The following MYO9A variants were observed in gnomAD, a reference collection of about 807,000 sequenced individuals.
MYO9A encodes the protein unconventional myosin-IXa.
A neutral mutation model predicts 293.3 loss-of-function variants in MYO9A; 103 were observed. That is an observed-to-expected ratio of 0.35 (90% confidence interval 0.30 to 0.41). MYO9A has a LOEUF of 0.41. Ranked by LOEUF, MYO9A falls within the 10% of genes least tolerant of loss-of-function variation. MYO9A has a pLI of 1.00. For synonymous variants in MYO9A, 1,001 were observed against 1,035.7 expected (o/e 0.97, Z 0.64); for missense variants, 2,685 against 3,033.0 (o/e 0.89, Z 2.69).
At position 71,933,660 on chromosome 15, in the gene MYO9A, T is replaced by C. The variant is rs757288411; in HGVS notation, c.2562+10A>G. The C allele has an allele frequency of 3.1e-6, 5 of 1,606,070 alleles. No individual in the cohort carries two copies. Among genetic ancestry groups the C allele is most frequent in the Non-Finnish European group, 2.6e-6 (3 of 1,176,430 alleles). On this transcript the variant is annotated intron_variant, in intron 18 of 41. Coordinates refer to ENST00000356056, the MANE Select transcript of MYO9A (RefSeq NM_006901.4). ...AATACCAATACAAAAAAAGTTTTCA[T>C]AGTACTCACCTTTGGAAGGGCAGGC...
At chr15:71,928,059 T>TATTATTA (rs1567282510) in intron 18 of MYO9A, among the ~76,000 whole-genome samples, 1 of 7,000 alleles carries the variant, frequency 1.4e-4, no homozygotes, top group African/African-American at 3.7e-4. Flanking sequence ...TATATATATT[T>TATTATTA]TTTTTTTTTT....
chr15:72,079,541 A>C (rs1301451384), intron 1 of MYO9A, among the ~76,000 whole-genome samples: 1 of 152,206 alleles, frequency 6.6e-6, no homozygotes, highest in Non-Finnish European at 1.5e-5. Context: ...CATATGGTCT[A>C]CAAGTGCATA....
chr15:72,080,537 T>C (rs1291709287), intron 1 of MYO9A, among the ~76,000 whole-genome samples: 3 of 151,848 alleles, frequency 2.0e-5, no homozygotes. Flanking sequence ...ACCCCAAAAA[T>C]GCAAAGATCC....
chr15:71,986,874 A>G (rs896450734), intron 11 of MYO9A, among the ~76,000 whole-genome samples: 1 of 152,182 alleles, frequency 6.6e-6, no homozygotes, highest in Non-Finnish European at 1.5e-5. Context: ...AGTGTTTATA[A>G]AGTCTAACTA....
chr15:72,103,367 C>CAGCAGA (rs1250699616), intron 1 of MYO9A, among the ~76,000 whole-genome samples: 22 of 144,438 alleles, frequency 1.5e-4, no homozygotes, highest in African/African-American at 2.9e-4. Flanking sequence ...ACAGAAGCAG[C>CAGCAGA]AGCAGAAGCA....
At position 71,902,976 on chromosome 15, in the gene MYO9A, G is replaced by C. The variant is rs896059298; in HGVS notation, c.2965C>G (p.Leu989Val). 1 of 1,586,900 alleles carries C rather than the reference G, an allele frequency of 6.3e-7. No individual in the cohort carries two copies. Among genetic ancestry groups the C allele is most frequent in the East Asian group, 2.2e-5 (1 of 44,558 alleles). ...CCAACTTGATAATTATCTGGATTAA[G>C]ATTTATTTTCCTGAAGAAATCCTGA... ...NIQDFFRKIN[L>V]NPDNYQVGKT... Residue 989 changes from leucine to valine, a missense_variant, in exon 22 of 42, where the codon CTT (leucine) becomes GTT (valine). By Grantham distance (32) the Leu-to-Val change is conservative. This residue lies in a region of MYO9A where 1,434 missense variants were observed against 1,497.7 expected (regional missense o/e 0.96). Coordinates refer to ENST00000356056, the MANE Select transcript of MYO9A (RefSeq NM_006901.4).
chr15:72,110,916 T>C (rs761429291), intron 1 of MYO9A, among the ~76,000 whole-genome samples: 2 of 152,222 alleles, frequency 1.3e-5, no homozygotes, highest in Admixed American at 6.5e-5. Context: ...TCCCAGCACT[T>C]TGGGAGGCCG....
intron 1 of MYO9A, among the ~76,000 whole-genome samples, chr15:72,054,822 A>C (rs1376447083): frequency 2.6e-5 from 4 of 151,968 alleles, no homozygotes; most frequent in African/African-American, 4.8e-5. Context: ...AGAAGGTCTA[A>C]CTGGTAAGCC....
chr15:71,894,518 A>C (rs2057267933), intron 25 of MYO9A, among the ~76,000 whole-genome samples: 1 of 152,196 alleles, frequency 6.6e-6, no homozygotes, highest in African/African-American at 2.4e-5. Flanking sequence ...CAGAGGTTGC[A>C]GTGAGCCAAG....
At chr15:72,013,641 G>A (rs2929522) in intron 6 of MYO9A, among the ~76,000 whole-genome samples, 141,161 of 152,222 alleles carry the variant, frequency 0.93, 65,782 homozygotes, top group Non-Finnish European at 0.97. Context: ...TGCTCTTTCT[G>A]TAAGGTGACA....
chr15:71,849,323 C>A (rs1333593562), intron 38 of MYO9A, among the ~76,000 whole-genome samples: 1 of 152,106 alleles, frequency 6.6e-6, no homozygotes, highest in Non-Finnish European at 1.5e-5. Context: ...GTGGTGCACG[C>A]CTATAATCTC....
intron 11 of MYO9A, among the ~76,000 whole-genome samples, chr15:71,981,959 TA>T (rs1196919530): frequency 3.3e-5 from 5 of 151,188 alleles, no homozygotes; most frequent in Admixed American, 6.6e-5. Context: ...AACGTGTCAT[TA>T]GGTACAATAT....
intron 1 of MYO9A, 137 bp downstream of exon 1, chr15:72,117,543 G>C (rs148106509): frequency 2.8e-6 from 1 of 356,530 alleles, no homozygotes; most frequent in African/African-American, 2.1e-5. Context: ...TCTGGTGTTT[G>C]GGAGGCTCGG....
At chr15:71,861,923 G>A (rs2056151612) in intron 33 of MYO9A, among the ~76,000 whole-genome samples, 1 of 152,156 alleles carries the variant, frequency 6.6e-6, no homozygotes, top group Non-Finnish European at 1.5e-5. Flanking sequence ...CTGAGGTCAG[G>A]AGTTCAAGAC....
At chr15:71,996,796 A>G (rs1350740304) in intron 9 of MYO9A, among the ~76,000 whole-genome samples, 1 of 150,970 alleles carries the variant, frequency 6.6e-6, no homozygotes, top group Non-Finnish European at 1.5e-5. Context: ...CTCTACATCC[A>G]CTCCTGCCTT....
At chr15:72,033,876 G>A (rs567849566) in intron 2 of MYO9A, among the ~76,000 whole-genome samples, 63 of 152,258 alleles carry the variant, frequency 4.1e-4, no homozygotes, top group Non-Finnish European at 6.2e-4. Context: ...TATACTTGAA[G>A]AAACAAAACT....
rs888892668 is a variant in MYO9A, at chr15:71,877,984, T to C, written c.5931+56A>G. 12 of 1,437,808 alleles carry C rather than the reference T, an allele frequency of 8.3e-6. No homozygotes were observed. The East Asian group carries it at 9.9e-5, about 12-fold the overall frequency. The allele number at this position is 1,437,808 out of a possible 1,614,324, so 89.1% of individuals were successfully genotyped here. On this transcript the variant is annotated intron_variant, in intron 31 of 41. Transcript: ENST00000356056. ...CTCAAATACAAGATGTCCCAAACGC[T>C]CTTAAAAAGAATTCATAATTAAATC...
chr15:72,018,336 C>T (rs980615115), intron 6 of MYO9A, among the ~76,000 whole-genome samples: 8 of 151,948 alleles, frequency 5.3e-5, no homozygotes, highest in East Asian at 1.9e-4. Flanking sequence ...GGCATGGTGG[C>T]GCACGCCTGT....
chr15:72,066,199 C>G (rs766678705), intron 1 of MYO9A, among the ~76,000 whole-genome samples: 7 of 152,082 alleles, frequency 4.6e-5, no homozygotes, highest in Non-Finnish European at 1.0e-4. Context: ...TAATAGCTGA[C>G]TAATACAGGC....
Sources: allele counts gnomAD v4.1 joint callset (sites outside exome capture counted in the v4.1 genomes callset), GRCh38; gene constraint gnomAD v4.1.1; regional missense constraint gnomAD v4.1.1; transcripts MANE v1.5; gene names NCBI Gene and HGNC (gene_info 2026-07-23, HGNC 2026-07-21).